NOCT: variants seen among roughly 807,000 people sequenced by gnomAD.
NOCT encodes the protein nocturnin.
A neutral mutation model predicts 35.0 loss-of-function variants in NOCT; 18 were observed. That is an observed-to-expected ratio of 0.51 (90% CI 0.36 to 0.76). The LOEUF is 0.76. Among genes scored for constraint, NOCT ranks in the 30% least tolerant of loss-of-function variants. The pLI is 0.01. For synonymous variants in NOCT, 235 were observed against 226.3 expected (o/e 1.04, Z -0.34); for missense variants, 479 against 541.0 (o/e 0.89, Z 1.14).
At position 139,044,913 on chromosome 4, in the gene NOCT, C is replaced by A. The variant is rs769129644; in HGVS notation, c.735C>A (p.Phe245Leu). The A allele has an allele frequency of 6.2e-7, 1 of 1,614,236 alleles. No individual in the cohort carries two copies. Among genetic ancestry groups the A allele is most frequent in the Admixed American group, 1.7e-5 (1 of 60,024 alleles). Residue 245 changes from phenylalanine to leucine, a missense_variant, in exon 3 of 3, where the codon TTC becomes TTA. Coordinates refer to ENST00000280614, the MANE Select transcript of NOCT (RefSeq NM_012118.4). Reference protein sequence around the residue: ...GCALFFLQNRFKLVNSANIRL... With the variant: ...GCALFFLQNRLKLVNSANIRL... ...CCTTATTTTTTCTTCAAAACCGATT[C>A]AAGCTAGTCAACAGTGCCAATATTA...
At chr4:139,019,259 G>GC (rs1398328566) in intron 1 of NOCT, among the ~76,000 whole-genome samples, 1 of 152,060 alleles carries the variant, frequency 6.6e-6, no homozygotes, top group Non-Finnish European at 1.5e-5. Flanking sequence ...TCAACGTGTT[G>GC]CCCGGGCTCG....
rs59445691 is a variant in NOCT at position 139,039,170 on chromosome 4, CAA to C, written c.191-3888_191-3887del. 8.2e-4 allele frequency among the ~76,000 whole-genome samples: 75 copies of C among 91,364 alleles called. 1 individual carries two copies. The highest frequency in any genetic ancestry group is 2.8e-3 in the African/African-American group (64 of 23,112). 59.9% of individuals were successfully genotyped at this position (91,364 alleles called of 152,430 possible). On this transcript the variant is annotated intron_variant, in intron 1 of 2. Transcript: ENST00000280614. ...GGGCAACACAGTGAAGACTCCATTTCAAAAAAAAAAAAAAAAAGCCATTCTTA... is the reference window on the plus strand; with the variant it reads ...GGGCAACACAGTGAAGACTCCATTTCAAAAAAAAAAAAAAAGCCATTCTTA...
chr4:139,029,027 C>T (rs1726576170), intron 1 of NOCT, among the ~76,000 whole-genome samples: 1 of 150,668 alleles, frequency 6.6e-6, no homozygotes, highest in South Asian at 2.1e-4. Flanking sequence ...TTAATAGAGA[C>T]GTGGTTTCAC....
chr4:139,027,910 T>C (rs1726553894), intron 1 of NOCT, among the ~76,000 whole-genome samples: 2 of 152,106 alleles, frequency 1.3e-5, no homozygotes, highest in African/African-American at 4.8e-5. Context: ...AAGCCTTTCT[T>C]AGCTTGCAGG....
intron 1 of NOCT, among the ~76,000 whole-genome samples, chr4:139,036,840 G>GATT (rs1726745727): frequency 6.6e-6 from 1 of 152,334 alleles, no homozygotes; most frequent in South Asian, 2.1e-4. Flanking sequence ...AAATTAAGAA[G>GATT]ATTAGAGTGT....
chr4:139,031,909 C>T (rs1024191792), intron 1 of NOCT, among the ~76,000 whole-genome samples: 2 of 152,004 alleles, frequency 1.3e-5, no homozygotes, highest in Non-Finnish European at 2.9e-5. Context: ...GATAGGGTTT[C>T]ACCATGTTGT....
At chr4:139,020,968 G>A (rs1726398400) in intron 1 of NOCT, among the ~76,000 whole-genome samples, 1 of 151,328 alleles carries the variant, frequency 6.6e-6, no homozygotes, top group Non-Finnish European at 1.5e-5. Context: ...TTCGGAAACT[G>A]AGGCAGGAGA....
chr4:139,022,066 A>G (rs1726425819), intron 1 of NOCT, among the ~76,000 whole-genome samples: 1 of 152,098 alleles, frequency 6.6e-6, no homozygotes, highest in Non-Finnish European at 1.5e-5. Flanking sequence ...GCCACTAATT[A>G]GAGTTTATAG....
chr4:139,029,931 AC>A (rs1726595901), intron 1 of NOCT, among the ~76,000 whole-genome samples: 1 of 152,148 alleles, frequency 6.6e-6, no homozygotes, highest in African/African-American at 2.4e-5. Flanking sequence ...TTGCTCTGTC[AC>A]CCAGGCTGGA....
At chr4:139,035,633 T>C (rs912791219) in intron 1 of NOCT, among the ~76,000 whole-genome samples, 3 of 152,174 alleles carry the variant, frequency 2.0e-5, no homozygotes. Context: ...CCCTGTAGTA[T>C]AGTGTAGTTT....
intron 1 of NOCT, among the ~76,000 whole-genome samples, chr4:139,023,087 C>G (rs1375024581): frequency 6.6e-6 from 1 of 150,744 alleles, no homozygotes; most frequent in Non-Finnish European, 1.5e-5. Context: ...GGCAACACAG[C>G]AAGACTCCAT....
At chr4:139,024,446 T>C (rs62320525) in intron 1 of NOCT, among the ~76,000 whole-genome samples, 261 of 152,364 alleles carry the variant, frequency 1.7e-3, no homozygotes, top group Middle Eastern at 3.4e-3. Flanking sequence ...TAGACATTTC[T>C]AGTTGTTTAA....
Position 139,019,004 on chromosome 4 carries a change from T to G in NOCT, c.190+2833T>G, listed in dbSNP as rs1726363747. ...AGGCACTTTGCAAAAATGGACATTGTTTTCCAAAGAGCCTCAGACCCAGCA... is the reference window on the plus strand; with the variant it reads ...AGGCACTTTGCAAAAATGGACATTGGTTTCCAAAGAGCCTCAGACCCAGCA... On this transcript the variant is annotated intron_variant, in intron 1 of 2. Transcript: ENST00000280614. Among the ~76,000 whole-genome samples the G allele has an allele frequency of 2.0e-5, 3 of 152,198 alleles. No individual in the cohort carries two copies. The South Asian group carries it at 6.2e-4, about 32-fold the overall frequency.
At chr4:139,023,368 T>C (rs1028544979) in intron 1 of NOCT, among the ~76,000 whole-genome samples, 7 of 152,226 alleles carry the variant, frequency 4.6e-5, no homozygotes, top group Non-Finnish European at 8.8e-5. Context: ...ATAATACTTT[T>C]CTATTTCCTC....
chr4:139,044,256 TAGTC>T (rs3840278), intron 2 of NOCT, among the ~76,000 whole-genome samples: 43,672 of 151,408 alleles, frequency 0.29, 6,381 homozygotes, highest in Middle Eastern at 0.37. Flanking sequence ...GTGTCCATAA[TAGTC>T]AGGGTTAAAA....
chr4:139,035,139 T>A (rs1009567767), intron 1 of NOCT, among the ~76,000 whole-genome samples: 1 of 151,930 alleles, frequency 6.6e-6, no homozygotes, highest in Non-Finnish European at 1.5e-5. Flanking sequence ...ATTTTTTTTT[T>A]AAAGAGATAG....
At chr4:139,030,192 A>G (rs1317538879) in intron 1 of NOCT, among the ~76,000 whole-genome samples, 1 of 152,156 alleles carries the variant, frequency 6.6e-6, no homozygotes, top group Non-Finnish European at 1.5e-5. Context: ...AGTTACGTTT[A>G]ATGGTGACTT....
intron 1 of NOCT, among the ~76,000 whole-genome samples, chr4:139,038,811 T>G (rs959719454): frequency 6.6e-6 from 1 of 152,186 alleles, no homozygotes; most frequent in East Asian, 1.9e-4. Flanking sequence ...CCTGAAAGTC[T>G]TCTTTAGAAT....
chr4:139,026,576 G>C (rs560533566), intron 1 of NOCT, among the ~76,000 whole-genome samples: 6 of 146,616 alleles, frequency 4.1e-5, no homozygotes, highest in Admixed American at 6.8e-5. Flanking sequence ...TTGAGACAGA[G>C]TTTCACTCTT....
Sources: gnomAD v4.1 joint callset for allele counts (sites outside exome capture counted in the v4.1 genomes callset) on GRCh38, gnomAD v4.1.1 for gene constraint, MANE v1.5 for transcripts, NCBI Gene and HGNC (gene_info 2026-07-23, HGNC 2026-07-21) for gene names.